Variants in SAMD4A observed in about 807,000 individuals in gnomAD.
SAMD4A encodes the protein protein Smaug homolog 1.
Under a neutral mutation model 81.3 loss-of-function variants are expected in SAMD4A, and 33 were observed. The ratio of observed to expected loss-of-function variants is 0.41; its 90% CI spans 0.31 to 0.54. SAMD4A has a LOEUF of 0.54. Among genes scored for constraint, SAMD4A ranks in the 20% least tolerant of loss-of-function variants. The pLI is 0.37. For synonymous variants in SAMD4A, 389 were observed against 382.1 expected (o/e 1.02, Z -0.21); for missense variants, 854 against 951.1 (o/e 0.90, Z 1.34).
Position 54,702,283 on chromosome 14 carries a change from CG to C in SAMD4A, c.419del (p.Arg140LeufsTer4). On this transcript the variant is annotated frameshift_variant, in exon 3 of 13. Coordinates refer to ENST00000554335, the MANE Select transcript of SAMD4A (RefSeq NM_015589.6). LOFTEE classifies it high-confidence loss of function. ...LIHPATSLED[R>X]SALAMWLNHL... ...ACATCCAGCCACTTCGTTAGAAGAC[CG>C]TAGTGCTTTAGCCATGTGGCTGAAT... 1 of 1,614,184 alleles carries C rather than the reference CG, an allele frequency of 6.2e-7. No individual in the cohort carries two copies. The highest frequency in any genetic ancestry group is 8.5e-7 in the Non-Finnish European group (1 of 1,180,024).
intron 2 of SAMD4A, chr14:54,688,306 G>A (rs1019714900): frequency 1.4e-5 from 14 of 985,326 alleles, no homozygotes; most frequent in Non-Finnish European, 1.7e-5. Context: ...TAGAGGTAAC[G>A]TACTGGCTCT....
chr14:54,627,452 G>C (rs2034793178), intron 2 of SAMD4A, among the ~76,000 whole-genome samples: 1 of 152,200 alleles, frequency 6.6e-6, no homozygotes, highest in African/African-American at 2.4e-5. Context: ...TGAATATCTA[G>C]CACACAGACA....
At chr14:54,764,155 G>C (rs1191467431) in intron 7 of SAMD4A, among the ~76,000 whole-genome samples, 1 of 152,210 alleles carries the variant, frequency 6.6e-6, no homozygotes, top group East Asian at 1.9e-4. Context: ...ACCAAGCTCA[G>C]GACGCCACTA....
intron 4 of SAMD4A, 27 bp downstream of exon 4, chr14:54,737,314 G>C (rs772345296): frequency 1.2e-6 from 2 of 1,611,850 alleles, no homozygotes; most frequent in East Asian, 2.2e-5. Flanking sequence ...GAAACCACTG[G>C]GGAAAGAGCC....
Position 54,568,062 on chromosome 14 carries a change from T to G in SAMD4A, c.146T>G (p.Leu49Arg). ...RFLQLCLEHS[L>R]ADCAELHVLE... ...CTCCAGCTCTGCCTGGAGCACTCGC[T>G]GGCCGACTGCGCCGAGCTGCACGTC... is the stretch of plus-strand genomic sequence containing the variant. The change falls in exon 2 of 13, where the codon CTG becomes CGG. Residue 49 changes from leucine (L) to arginine (R), a missense_variant. Transcript: ENST00000554335. 6.3e-7 allele frequency: 1 copy of G among 1,592,018 alleles called. No individual in the cohort carries two copies. Among genetic ancestry groups the G allele is most frequent in the African/African-American group, 1.4e-5 (1 of 73,916 alleles).
intron 2 of SAMD4A, among the ~76,000 whole-genome samples, chr14:54,657,976 A>G (rs901239581): frequency 5.9e-5 from 9 of 152,170 alleles, no homozygotes; most frequent in African/African-American, 1.7e-4. Flanking sequence ...AAGAATGTTC[A>G]TGAATTGAAC....
chr14:54,701,090 T>G (rs1292848613), intron 2 of SAMD4A: 5 of 151,250 alleles, frequency 3.3e-5, no homozygotes, highest in Non-Finnish European at 7.4e-5. Flanking sequence ...CCTCGACCTC[T>G]GAAGCTCAAG....
chr14:54,647,030 T>G (rs1437022072), intron 2 of SAMD4A, among the ~76,000 whole-genome samples: 2 of 152,226 alleles, frequency 1.3e-5, no homozygotes, highest in Non-Finnish European at 2.9e-5. Flanking sequence ...ACACATATTT[T>G]CCAAGGTTTG....
At chr14:54,605,299 T>A (rs35697749) in intron 2 of SAMD4A, among the ~76,000 whole-genome samples, 1 of 152,030 alleles carries the variant, frequency 6.6e-6, no homozygotes. Flanking sequence ...GCATAATTAA[T>A]GGAAACTATC....
chr14:54,735,242 C>A (rs146716649), intron 3 of SAMD4A: 10 of 151,274 alleles, frequency 6.6e-5, no homozygotes, highest in African/African-American at 1.5e-4. Context: ...GCTTTCCCCC[C>A]ACTTTTCCTC....
At chr14:54,729,112 C>T (rs1430254453) in intron 3 of SAMD4A, among the ~76,000 whole-genome samples, 1 of 152,140 alleles carries the variant, frequency 6.6e-6, no homozygotes, top group Non-Finnish European at 1.5e-5. Flanking sequence ...ATGATTTGTT[C>T]AGCGACTCTG....
At chr14:54,709,702 G>T (rs901737375) in intron 3 of SAMD4A, among the ~76,000 whole-genome samples, 1 of 152,140 alleles carries the variant, frequency 6.6e-6, no homozygotes, top group African/African-American at 2.4e-5. Flanking sequence ...CAGGATCAAG[G>T]TATTGGCTGT....
intron 8 of SAMD4A, among the ~76,000 whole-genome samples, chr14:54,769,834 G>A (rs150759675): frequency 7.9e-5 from 12 of 152,358 alleles, no homozygotes; most frequent in Non-Finnish European, 1.3e-4. Context: ...GAGGGGGAAT[G>A]TGGATATGGA....
chr14:54,765,346 G>A (rs544360466), intron 8 of SAMD4A, among the ~76,000 whole-genome samples: 3 of 152,080 alleles, frequency 2.0e-5, no homozygotes, highest in Admixed American at 6.5e-5. Flanking sequence ...TAAGGGGGCC[G>A]GGGTGGTGGG....
intron 2 of SAMD4A, among the ~76,000 whole-genome samples, chr14:54,623,524 G>GAAAGGTATA (rs1395136370): frequency 2.8e-5 from 4 of 141,782 alleles, no homozygotes; most frequent in Non-Finnish European, 6.2e-5. Flanking sequence ...GCAGGGGGAG[G>GAAAGGTATA]AAAGGTATAA....
chr14:54,772,843 C>T (rs921716612), intron 9 of SAMD4A, among the ~76,000 whole-genome samples: 2 of 151,772 alleles, frequency 1.3e-5, no homozygotes, highest in East Asian at 3.9e-4. Flanking sequence ...AAAAAACACT[C>T]GGCCCTTGTC....
chr14:54,695,030 GC>G (rs1212326855), intron 2 of SAMD4A: 1 of 526,280 alleles, frequency 1.9e-6, no homozygotes, highest in Admixed American at 6.4e-5. Context: ...ATGACCTTCT[GC>G]TGTCAGAAAA....
At chr14:54,715,717 G>A (rs1221809623) in intron 3 of SAMD4A, among the ~76,000 whole-genome samples, 3 of 152,052 alleles carry the variant, frequency 2.0e-5, no homozygotes, top group Non-Finnish European at 4.4e-5. Context: ...AGGGGAAAAA[G>A]AAGATAGCCT....
chr14:54,653,521 G>A (rs1229660829), intron 2 of SAMD4A, among the ~76,000 whole-genome samples: 4 of 151,642 alleles, frequency 2.6e-5, no homozygotes, highest in African/African-American at 9.7e-5. Flanking sequence ...TGTATTTTTA[G>A]TAGAGACAGG....
Sources: allele counts gnomAD v4.1 joint callset (sites outside exome capture counted in the v4.1 genomes callset), GRCh38; gene constraint gnomAD v4.1.1; transcripts MANE v1.5; gene names NCBI Gene and HGNC (gene_info 2026-07-23, HGNC 2026-07-21).